Variants in SYCP1 observed in about 807,000 individuals in gnomAD.
SYCP1 encodes the protein synaptonemal complex protein 1.
Under a neutral mutation model 153.1 loss-of-function variants are expected in SYCP1, and 64 were observed. The observed-to-expected ratio is 0.42, with a 90% confidence interval of 0.34 to 0.51. The LOEUF is 0.51. Ranked by LOEUF, SYCP1 falls within the 20% of genes least tolerant of loss-of-function variation. The pLI is 0.06. For missense variants in SYCP1, 997 were observed against 1,049.0 expected, an observed-to-expected ratio of 0.95 and a Z score of 0.68; for synonymous variants, 384 against 341.8, an observed-to-expected ratio of 1.12 and a Z score of -1.36.
At chr1:114,982,481 C>T (rs79738279) in intron 29 of SYCP1, among the ~76,000 whole-genome samples, 7,145 of 151,708 alleles carry the variant, frequency 0.047, 210 homozygotes, top group African/African-American at 0.061. Flanking sequence ...CTTCTGCTTG[C>T]CCAAATCTGC....
intron 30 of SYCP1, among the ~76,000 whole-genome samples, chr1:114,990,387 A>G (rs1449427693): frequency 1.3e-5 from 2 of 151,972 alleles, no homozygotes; most frequent in African/African-American, 4.8e-5. Context: ...CTATTAAGAA[A>G]GATCTCAAAT....
chr1:114,961,922 A>G (rs1671803655), intron 27 of SYCP1, among the ~76,000 whole-genome samples: 1 of 149,394 alleles, frequency 6.7e-6, no homozygotes, highest in Non-Finnish European at 1.5e-5. Context: ...TGACCTGTCT[A>G]GTGCTGCCAG....
At chr1:114,910,970 A>C (rs1205046769) in intron 17 of SYCP1, among the ~76,000 whole-genome samples, 3 of 152,096 alleles carry the variant, frequency 2.0e-5, no homozygotes, top group Non-Finnish European at 4.4e-5. Context: ...GACTTCATTA[A>C]GTTAGGTTCT....
At chr1:114,928,723 T>C (rs1294045023) in intron 23 of SYCP1, among the ~76,000 whole-genome samples, 1 of 152,246 alleles carries the variant, frequency 6.6e-6, no homozygotes. Context: ...AACTATTTTG[T>C]TGTAGCATTT....
rs1433423155 is a variant in SYCP1 at position 114,876,082 on chromosome 1, C to A, written c.671C>A (p.Ala224Asp). The A allele has an allele frequency of 6.3e-7, 1 of 1,578,846 alleles. No homozygotes were observed. The highest frequency in any genetic ancestry group is 1.8e-5 in the Admixed American group (1 of 56,270). ...LNNNIEKMIT[A>D]FEELRVQAEN... ...TTTATATTTCAGAAAATGATAACAG[C>A]TTTTGAGGAACTTCGTGTGCAAGCT... Residue 224 changes from alanine (A) to aspartate (D), a missense_variant, in exon 10 of 32, where the codon GCT becomes GAT. By Grantham distance (126) the Ala-to-Asp change is moderately radical (BLOSUM62 -2). This residue lies in a region of SYCP1 where 285 missense variants were observed against 366.1 expected (regional missense o/e 0.78). Transcript: ENST00000369522.
intron 1 of SYCP1, 29 bp from the exon 2 acceptor site, chr1:114,855,412 C>T: frequency 3.0e-6 from 4 of 1,354,294 alleles, no homozygotes; most frequent in Non-Finnish European, 2.9e-6. Context: ...AAAAACTTTC[C>T]TTCCCCTCCC....
At chr1:114,875,888 C>A (rs2274118) in intron 9 of SYCP1, among the ~76,000 whole-genome samples, 181 bp from the exon 10 acceptor site, 3 of 152,016 alleles carry the variant, frequency 2.0e-5, no homozygotes, top group Non-Finnish European at 2.9e-5. Flanking sequence ...ATCTGGGAAA[C>A]TAACATAAGG....
intron 5 of SYCP1, 150 bp from the exon 6 acceptor site, chr1:114,858,397 G>A (rs1049018191): frequency 3.9e-6 from 2 of 517,958 alleles, no homozygotes; most frequent in African/African-American, 3.8e-5. Context: ...TAGTTTAAAA[G>A]AGTTAATGTG....
At chr1:114,891,919 T>TTTATTTCCTTCATAGCACTTATCCC (rs1666729750) in intron 15 of SYCP1, among the ~76,000 whole-genome samples, 1 of 152,218 alleles carries the variant, frequency 6.6e-6, no homozygotes, top group East Asian at 1.9e-4. Context: ...AATAAATATT[T>TTTATTTCCTTCATAGCACTTATCCC]AATTATAAAT....
intron 21 of SYCP1, among the ~76,000 whole-genome samples, chr1:114,925,907 T>C (rs1669220828): frequency 1.3e-5 from 2 of 152,160 alleles, no homozygotes. Flanking sequence ...TATGTATACA[T>C]TGTGAAATGA....
rs1193723934 is a variant in SYCP1, at chr1:114,886,141, T to C, written c.1022T>C (p.Leu341Ser). 6.3e-7 allele frequency: 1 copy of C among 1,599,446 alleles called. No individual in the cohort carries two copies. Among genetic ancestry groups the C allele is most frequent in the Non-Finnish European group, 8.5e-7 (1 of 1,175,002 alleles). ...LQRSVSTQKA[L>S]EEDLQIATKT... Reference sequence around the variant, plus strand: ...TTCATTTAGAGTACTCAAAAGGCTTTAGAGGAAGATTTACAGATAGCAACA... The same window carrying C: ...TTCATTTAGAGTACTCAAAAGGCTTCAGAGGAAGATTTACAGATAGCAACA... Residue 341 changes from leucine (L) to serine (S), a missense_variant, in exon 14 of 32, where the codon TTA (leucine) becomes TCA (serine). Transcript: ENST00000369522.
At chr1:114,974,623 A>G (rs547804491) in intron 27 of SYCP1, among the ~76,000 whole-genome samples, 78 of 151,982 alleles carry the variant, frequency 5.1e-4, no homozygotes, top group African/African-American at 1.7e-3. Context: ...TTCACTTAGC[A>G]TAATGTCCTC....
At chr1:114,872,010 T>TC (rs1336874591) in intron 8 of SYCP1, among the ~76,000 whole-genome samples, 3 of 149,880 alleles carry the variant, frequency 2.0e-5, no homozygotes, top group Non-Finnish European at 4.5e-5. Context: ...CTTTTTCTTT[T>TC]TTTTTTTTTT....
At chr1:114,882,856 A>G (rs778459860) in intron 12 of SYCP1, among the ~76,000 whole-genome samples, 3 of 152,128 alleles carry the variant, frequency 2.0e-5, no homozygotes, top group Non-Finnish European at 2.9e-5. Flanking sequence ...TGGGCTGCAA[A>G]TCTGCCTGTG....
In SYCP1 at chr1:114,910,481, G is replaced by T; in HGVS notation, c.1405G>T (p.Gly469Cys). ...ELKGTEQELI[G>C]LLQAREKEVH... Reference sequence around the variant, plus strand: ...AAAAGGAACAGAACAAGAACTAATTGGTCTTCTCCAAGCCAGAGAGGTTTG... The same window carrying T: ...AAAAGGAACAGAACAAGAACTAATTTGTCTTCTCCAAGCCAGAGAGGTTTG... The change falls in exon 17 of 32, where the codon GGT (glycine) becomes TGT (cysteine). Residue 469 changes from glycine to cysteine, a missense_variant. Physicochemically the swap from Gly to Cys is radical, Grantham distance 159 (BLOSUM62 -3). Transcript: ENST00000369522. 2 of 1,584,490 alleles carry T rather than the reference G, an allele frequency of 1.3e-6. No individual in the cohort carries two copies. Among genetic ancestry groups the T allele is most frequent in the Admixed American group, 3.6e-5 (2 of 55,420 alleles).
rs552435742 is a variant in SYCP1 at position 114,944,516 on chromosome 1, T to C, written c.2043+61T>C. On this transcript the variant is annotated intron_variant, in intron 24 of 31. Transcript: ENST00000369522. ...CTAAAAATCTATATTTTTATTAGGA[T>C]TTTAAGAGGAAAGTAAAAAAATCTT... 20 of 1,017,612 alleles carry C rather than the reference T, an allele frequency of 2.0e-5. No individual in the cohort carries two copies. In the African/African-American group the frequency reaches 3.3e-4, roughly 17 times the overall value. The allele number at this position is 1,017,612 out of a possible 1,614,324, so 63.0% of individuals were successfully genotyped here.
chr1:114,994,861 T>A, intron 31 of SYCP1, 21 bp from the exon 32 acceptor site: 1 of 1,576,624 alleles, frequency 6.3e-7, no homozygotes, highest in Non-Finnish European at 8.6e-7. Flanking sequence ...TTATGATTTT[T>A]AAATTTTATT....
chr1:114,859,621 G>T, intron 6 of SYCP1, 122 bp from the exon 7 acceptor site: 1 of 435,906 alleles, frequency 2.3e-6, no homozygotes, highest in South Asian at 4.6e-5. Context: ...CTTTTTATGT[G>T]GAAAGAAAAT....
At chr1:114,921,384 A>G (rs1428329243) in intron 20 of SYCP1, among the ~76,000 whole-genome samples, 1 of 151,982 alleles carries the variant, frequency 6.6e-6, no homozygotes, top group African/African-American at 2.4e-5. Flanking sequence ...TTGTCTTCCT[A>G]CTTAAGATAC....
Sources: gnomAD v4.1 joint callset for allele counts (sites outside exome capture counted in the v4.1 genomes callset) on GRCh38, gnomAD v4.1.1 for gene constraint, gnomAD v4.1.1 regional missense constraint, MANE v1.5 for transcripts, NCBI Gene and HGNC (gene_info 2026-07-23, HGNC 2026-07-21) for gene names.